LCA5: variants seen among roughly 807,000 people sequenced by gnomAD.
The protein encoded by LCA5 is lebercilin.
LCA5 carries 37 observed loss-of-function variants against 53.0 expected under a neutral mutation model. The observed-to-expected ratio is 0.70, with a 90% confidence interval of 0.54 to 0.92. The LOEUF (loss-of-function observed/expected upper bound fraction) is 0.92, where lower values mean the gene tolerates loss of function less well. Ranked by LOEUF, LCA5 falls within the 40% of genes least tolerant of loss-of-function variation. The pLI, the probability that LCA5 is intolerant of heterozygous loss-of-function variation, is 0.00. For missense variants in LCA5, 806 were observed against 790.5 expected (o/e 1.02, Z -0.23); for synonymous variants, 303 against 282.9 (o/e 1.07, Z -0.71).
rs553148047 is a variant in LCA5, at chr6:79,485,619, A to G, written c.*1385T>C. The G allele has an allele frequency of 4.6e-5, 7 of 152,310 alleles. No homozygotes were observed. In the South Asian group the frequency reaches 1.5e-3, roughly 32 times the overall value. 9.4% of individuals were successfully genotyped at this position (152,310 alleles called of 1,614,324 possible). ...ACAAATAGTCATGCAATGAAATTCA[A>G]TAATATGCATTTATAAGAACTCAGA... On this transcript the variant is annotated 3_prime_UTR_variant, in exon 8 of 8. Coordinates refer to ENST00000369846, the MANE Select transcript of LCA5 (RefSeq NM_001122769.3).
chr6:79,531,840 T>C (rs919170118), intron 1 of LCA5, among the ~76,000 whole-genome samples: 4 of 152,152 alleles, frequency 2.6e-5, no homozygotes, highest in Non-Finnish European at 4.4e-5. Flanking sequence ...AATAATCTGC[T>C]TCCTCTTCCT....
rs1769665354 is a variant in LCA5 at position 79,486,685 on chromosome 6, T to C, written c.*319A>G. ...ATATGATTAAAAATAAATACATAAA[T>C]AGGAATAAAAGTAGAAAAGGAATAC... On this transcript the variant is annotated 3_prime_UTR_variant, in exon 8 of 8. Transcript: ENST00000369846. 4.4e-6 allele frequency: 1 copy of C among 229,166 alleles called. No individual in the cohort carries two copies. Among genetic ancestry groups the C allele is most frequent in the African/African-American group, 2.3e-5 (1 of 43,008 alleles). The allele number at this position is 229,166 out of a possible 1,614,324, so 14.2% of individuals were successfully genotyped here.
At chr6:79,519,614 G>T (rs1766560935) in intron 1 of LCA5, among the ~76,000 whole-genome samples, 2 of 151,726 alleles carry the variant, frequency 1.3e-5, no homozygotes, top group East Asian at 1.9e-4. Flanking sequence ...CTACTCAGGA[G>T]GCTGAGGCAG....
intron 1 of LCA5, among the ~76,000 whole-genome samples, chr6:79,530,890 AG>A (rs1562114965): frequency 6.6e-6 from 1 of 152,220 alleles, no homozygotes; most frequent in Non-Finnish European, 1.5e-5. Context: ...ACCAAAAAAA[AG>A]AAACAAATAA....
chr6:79,491,352 A>G (rs1051316371), intron 6 of LCA5, among the ~76,000 whole-genome samples: 2 of 152,136 alleles, frequency 1.3e-5, no homozygotes, highest in African/African-American at 4.8e-5. Context: ...ATATGTATAC[A>G]TGTGCCATGC....
chr6:79,492,832 T>C (rs1463846706), intron 4 of LCA5, among the ~76,000 whole-genome samples, 185 bp from the exon 5 acceptor site: 2 of 152,012 alleles, frequency 1.3e-5, no homozygotes, highest in African/African-American at 4.8e-5. Flanking sequence ...GAGCAATAAT[T>C]TTCCCTAAAA....
chr6:79,500,959 T>C (rs950315616), intron 3 of LCA5, among the ~76,000 whole-genome samples: 7 of 152,158 alleles, frequency 4.6e-5, no homozygotes, highest in African/African-American at 1.7e-4. Context: ...TGCTATTAGA[T>C]GTGATCTGAC....
intron 1 of LCA5, among the ~76,000 whole-genome samples, chr6:79,528,621 T>C (rs1489494185): frequency 2.0e-5 from 3 of 152,198 alleles, no homozygotes; most frequent in African/African-American, 7.2e-5. Flanking sequence ...AGATGCCTAA[T>C]GAACTTAAGG....
intron 4 of LCA5, among the ~76,000 whole-genome samples, chr6:79,493,169 T>C (rs1217306005): frequency 1.3e-5 from 2 of 152,140 alleles, no homozygotes; most frequent in African/African-American, 2.4e-5. Flanking sequence ...ATGACTTCTA[T>C]GTAGAATGAA....
At position 79,523,603 on chromosome 6, in the gene LCA5, T is replaced by C. The variant is rs375793673; in HGVS notation, c.-191-4518A>G. ...AGTAAATTATAACTGATGTTCTTTG[T>C]CAACAACTTTCAGTTTAAATTCCAA... On this transcript the variant is annotated intron_variant, in intron 1 of 7. Coordinates refer to ENST00000369846, the MANE Select transcript of LCA5 (RefSeq NM_001122769.3). Among the ~76,000 whole-genome samples the C allele has an allele frequency of 1.9e-4, 29 of 152,344 alleles. No homozygotes were observed. In the East Asian group the frequency reaches 3.5e-3, roughly 18 times the overall value.
rs772812120 is a variant in LCA5, at chr6:79,513,741, G to C, written c.191C>G (p.Ala64Gly). The change falls in exon 3 of 8, where the codon GCC becomes GGC. Residue 64 changes from alanine (A) to glycine (G), a missense_variant and splice_region_variant. Physicochemically the swap from Ala to Gly is moderately conservative, Grantham distance 60 (BLOSUM62 0). Transcript: ENST00000369846. ...ACCCTTAGGGCTTGGTTTCCGAGGG[G>C]CTAAAAAAGAAACAGGAATAATGTA... Reference protein sequence around the residue: ...QTSDGQVHHQAPRKPSPKGLP... With the variant: ...QTSDGQVHHQGPRKPSPKGLP... 1.9e-6 allele frequency: 3 copies of C among 1,613,144 alleles called. No homozygotes were observed. Among genetic ancestry groups the C allele is most frequent in the Non-Finnish European group, 2.5e-6 (3 of 1,179,456 alleles).
chr6:79,509,734 AG>A (rs1258966354), intron 3 of LCA5, among the ~76,000 whole-genome samples: 1 of 152,204 alleles, frequency 6.6e-6, no homozygotes, highest in Non-Finnish European at 1.5e-5. Flanking sequence ...TTTCTAATTC[AG>A]TAAGAATTGA....
At chr6:79,510,180 TAG>T (rs1423997215) in intron 3 of LCA5, among the ~76,000 whole-genome samples, 9 of 152,090 alleles carry the variant, frequency 5.9e-5, no homozygotes, top group Non-Finnish European at 1.3e-4. Flanking sequence ...CAGAACAGAA[TAG>T]AGACTATAGA....
intron 3 of LCA5, among the ~76,000 whole-genome samples, chr6:79,501,487 C>A (rs997248331): frequency 2.0e-5 from 3 of 151,976 alleles, no homozygotes; most frequent in African/African-American, 7.3e-5. Context: ...TCCAAGTTGA[C>A]AGCTATTTAT....
At chr6:79,514,884 G>A (rs1766382842) in intron 2 of LCA5, among the ~76,000 whole-genome samples, 1 of 152,050 alleles carries the variant, frequency 6.6e-6, no homozygotes, top group Non-Finnish European at 1.5e-5. Context: ...AGAGGAGAGA[G>A]CAGATCAGGA....
At chr6:79,496,438 T>C (rs1006477096) in intron 3 of LCA5, among the ~76,000 whole-genome samples, 94 of 152,278 alleles carry the variant, frequency 6.2e-4, no homozygotes, top group Non-Finnish European at 5.7e-4. Context: ...ATCAATGGGA[T>C]GGATTAATGG....
intron 1 of LCA5, among the ~76,000 whole-genome samples, chr6:79,524,294 C>T (rs1294943420): frequency 3.3e-5 from 5 of 152,154 alleles, no homozygotes; most frequent in Non-Finnish European, 7.4e-5. Context: ...TAGTTTCCAT[C>T]ATCATTTTAC....
intron 3 of LCA5, 124 bp downstream of exon 3, chr6:79,513,088 T>C (rs144423875): frequency 2.0e-5 from 19 of 933,056 alleles, no homozygotes; most frequent in Non-Finnish European, 3.1e-5. Context: ...CCCAAAACAG[T>C]ACTAAAAATA....
intron 2 of LCA5, among the ~76,000 whole-genome samples, chr6:79,515,357 T>C (rs1766395604): frequency 6.6e-6 from 1 of 152,146 alleles, no homozygotes; most frequent in Admixed American, 6.6e-5. Flanking sequence ...ATTTCTTTTC[T>C]GTGATGTTCA....
Sources: allele counts gnomAD v4.1 joint callset (sites outside exome capture counted in the v4.1 genomes callset), GRCh38; gene constraint gnomAD v4.1.1; transcripts MANE v1.5; gene names NCBI Gene and HGNC (gene_info 2026-07-23, HGNC 2026-07-21).